The following PC variants were observed in gnomAD, a reference collection of about 807,000 sequenced individuals.
PC encodes the protein pyruvate carboxylase.
PC carries 46 observed loss-of-function variants against 107.8 expected under a neutral mutation model. The observed-to-expected ratio is 0.43, with a 90% CI of 0.34 to 0.55. PC has a LOEUF of 0.55. Ranked by LOEUF, PC falls within the 20% of genes least tolerant of loss-of-function variation. PC has a pLI of 0.04. For missense variants in PC, 1,241 were observed against 1,643.1 expected (o/e 0.76, Z 4.23); for synonymous variants, 662 against 684.7 (o/e 0.97, Z 0.52).
At chr11:66,910,217 A>G (rs1948295605) in intron 3 of PC, among the ~76,000 whole-genome samples, 1 of 152,180 alleles carries the variant, frequency 6.6e-6, no homozygotes, top group Non-Finnish European at 1.5e-5. Context: ...GGTGACAAAC[A>G]GAACCAGGCT....
chr11:66,886,433 G>A (rs564311120), intron 3 of PC, among the ~76,000 whole-genome samples: 2 of 152,138 alleles, frequency 1.3e-5, no homozygotes, highest in South Asian at 2.1e-4. Context: ...AGGCAGCAGG[G>A]AGACAGATTT....
intron 3 of PC, among the ~76,000 whole-genome samples, chr11:66,930,741 T>TAAAAAAAAAAAAAAAAAAA (rs34424812): frequency 1.0e-5 from 1 of 99,286 alleles, no homozygotes; most frequent in Non-Finnish European, 2.0e-5. Flanking sequence ...GACTCTGTCT[T>TAAAAAAAAAAAAAAAAAAA]AAAAAAAAAA....
At chr11:66,931,590 G>GAA (rs60306243) in intron 3 of PC, among the ~76,000 whole-genome samples, 9 of 150,820 alleles carry the variant, frequency 6.0e-5, no homozygotes, top group East Asian at 3.9e-4. Flanking sequence ...GCAAAATGAA[G>GAA]AAAAAAAAAC....
rs554275717 is a variant in PC at position 66,890,562 on chromosome 11, G to A, written c.1-18403C>T. On this transcript the variant is annotated intron_variant, in intron 3 of 22. Coordinates refer to ENST00000393960, the MANE Select transcript of PC (RefSeq NM_001040716.2). ...ATCACCCAGGCTGGAGTGCAATGGC[G>A]TGATCTTGGCTCAGTGCAACCTCTG... Among the ~76,000 whole-genome samples the A allele has an allele frequency of 4.7e-5, 7 of 149,540 alleles. No homozygotes were observed. The East Asian group carries it at 1.2e-3, about 25-fold the overall frequency.
chr11:66,893,351 G>A (rs1105466), intron 3 of PC, among the ~76,000 whole-genome samples: 6 of 152,274 alleles, frequency 3.9e-5, no homozygotes, highest in African/African-American at 7.2e-5. Flanking sequence ...GCCCAGAGAC[G>A]GGGAGTGAGG....
At chr11:66,916,937 G>C (rs1009855588) in intron 3 of PC, among the ~76,000 whole-genome samples, 1 of 151,386 alleles carries the variant, frequency 6.6e-6, no homozygotes, top group Non-Finnish European at 1.5e-5. Flanking sequence ...CTGGGTGACA[G>C]AGTGAGACTC....
At chr11:66,861,859 C>A (rs1364589747) in intron 12 of PC, among the ~76,000 whole-genome samples, 1 of 152,136 alleles carries the variant, frequency 6.6e-6, no homozygotes, top group African/African-American at 2.4e-5. Context: ...GGGCGGGGGA[C>A]GGTCTAAAGA....
In PC at chr11:66,848,916, T is replaced by G. The variant is rs879255351; in HGVS notation, c.3520A>C (p.Ile1174Leu). ...KDMTLEGDDL[I>L]LEIE ...GGGCAAGATCACTCGATCTCCAGGA[T>G]GAGGTCGTCACCTTCCAGTGTCATG... is the stretch of plus-strand genomic sequence containing the variant. Residue 1174 changes from isoleucine to leucine, a missense_variant, in exon 23 of 23, where the codon ATC (isoleucine) becomes CTC (leucine). Transcript: ENST00000393960. The G allele has an allele frequency of 6.2e-7, 1 of 1,613,872 alleles. No individual in the cohort carries two copies. The highest frequency in any genetic ancestry group is 8.5e-7 in the Non-Finnish European group (1 of 1,180,012).
chr11:66,941,461 T>C (rs1949127211), intron 3 of PC, among the ~76,000 whole-genome samples: 1 of 152,192 alleles, frequency 6.6e-6, no homozygotes, highest in South Asian at 2.1e-4. Flanking sequence ...TATGAATGGA[T>C]AAGTAAAATC....
rs2135917651 is a variant in PC at position 66,866,357 on chromosome 11, G to A, written c.1023-8C>T. On this transcript the variant is annotated splice_region_variant and splice_polypyrimidine_tract_variant and intron_variant, in intron 10 of 22. Transcript: ENST00000393960. The surrounding 1 kb of genome is among the most constrained non-coding windows in gnomAD (Gnocchi z 5.4). ...GCATGGACCAGGTCTACGCTGTAGG[G>A]CATTGGGGGGAGGGGGGAAAGGACG... The A allele has an allele frequency of 6.2e-7, 1 of 1,604,748 alleles. No homozygotes were observed. Among genetic ancestry groups the A allele is most frequent in the Non-Finnish European group, 8.5e-7 (1 of 1,173,832 alleles).
At chr11:66,922,067 C>T (rs751718253) in intron 3 of PC, among the ~76,000 whole-genome samples, 5 of 152,192 alleles carry the variant, frequency 3.3e-5, no homozygotes, top group Non-Finnish European at 5.9e-5. Context: ...AAAGCCCAAC[C>T]AGCACCTACA....
intron 3 of PC, among the ~76,000 whole-genome samples, chr11:66,936,962 C>A (rs1325378306): frequency 1.3e-5 from 2 of 152,126 alleles, no homozygotes; most frequent in Non-Finnish European, 2.9e-5. Context: ...CGTGCCTCAG[C>A]CCCCTAAGTA....
intron 3 of PC, among the ~76,000 whole-genome samples, chr11:66,880,150 G>A (rs1177748474): frequency 2.6e-5 from 4 of 152,160 alleles, no homozygotes; most frequent in Non-Finnish European, 4.4e-5. Context: ...TTTCCTTATC[G>A]AATGGCACTG....
At chr11:66,956,194 G>C (rs2136165924) in intron 1 of PC, among the ~76,000 whole-genome samples, 1 of 152,252 alleles carries the variant, frequency 6.6e-6, no homozygotes, top group Non-Finnish European at 1.5e-5. Flanking sequence ...TCTTCCCAGT[G>C]ACCAATCAAG....
intron 3 of PC, among the ~76,000 whole-genome samples, chr11:66,903,653 C>T (rs1948038423): frequency 1.4e-5 from 2 of 143,026 alleles, no homozygotes; most frequent in African/African-American, 5.3e-5. Context: ...GAGGCTGAGG[C>T]AGGAGAATCA....
chr11:66,936,348 C>A (rs1949003937), intron 3 of PC, among the ~76,000 whole-genome samples: 1 of 151,986 alleles, frequency 6.6e-6, no homozygotes, highest in Admixed American at 6.6e-5. Context: ...TTATCAAGAA[C>A]AGAACATCAG....
Position 66,871,702 on chromosome 11 carries a change from G to C in PC, c.306C>G (p.Ile102Met), listed in dbSNP as rs1277310569. 1 of 1,568,042 alleles carries C rather than the reference G, an allele frequency of 6.4e-7. No individual in the cohort carries two copies. Among genetic ancestry groups the C allele is most frequent in the Non-Finnish European group, 8.6e-7 (1 of 1,156,484 alleles). ...CTGGGCTCACCTTGGCCACCTTGAT[G>C]ATGTCTGGGATGTGCAGGTAGGCCT... ...PVQAYLHIPD[I>M]IKVAKENNVD... The change falls in exon 5 of 23, where the codon ATC becomes ATG. Residue 102 changes from isoleucine to methionine, a missense_variant. Transcript: ENST00000393960. The surrounding 1 kb of genome is among the most constrained non-coding windows in gnomAD (Gnocchi z 7.4).
Position 66,864,107 on chromosome 11 carries a change from T to C in PC, c.1186-151A>G, listed in dbSNP as rs568835055. 8 of 799,522 alleles carry C rather than the reference T, an allele frequency of 1.0e-5. No homozygotes were observed. In the East Asian group the frequency reaches 1.8e-4, roughly 18 times the overall value. The allele number at this position is 799,522 out of a possible 1,614,324, so 49.5% of individuals were successfully genotyped here. A position where few individuals can be genotyped will look rare whatever the true frequency, so the allele number is the denominator to read the frequency against. On this transcript the variant is annotated intron_variant, in intron 11 of 22. Coordinates refer to ENST00000393960, the MANE Select transcript of PC (RefSeq NM_001040716.2). The stretch of plus-strand genomic sequence containing the variant: ...TGAATCCCAGCTCTGGCTGGTCAGG[T>C]TTTGCTGTTTCTGCCACCAAACCCA...
At chr11:66,902,281 C>T (rs1947985677) in intron 3 of PC, among the ~76,000 whole-genome samples, 1 of 152,172 alleles carries the variant, frequency 6.6e-6, no homozygotes, top group African/African-American at 2.4e-5. Flanking sequence ...CAGAGGCTTC[C>T]CGGAGATGCA....
Sources: gnomAD v4.1 joint callset for allele counts (sites outside exome capture counted in the v4.1 genomes callset) on GRCh38, gnomAD v4.1.1 for gene constraint, Gnocchi (gnomAD v3.1) non-coding constraint, MANE v1.5 for transcripts, NCBI Gene and HGNC (gene_info 2026-07-23, HGNC 2026-07-21) for gene names.